DPYSL5: variants seen among roughly 807,000 people sequenced by gnomAD.
The protein encoded by DPYSL5 is dihydropyrimidinase-related protein 5.
Under a neutral mutation model 58.4 loss-of-function variants are expected in DPYSL5, and 9 were observed. The observed-to-expected ratio is 0.15, with a 90% CI of 0.09 to 0.27. The LOEUF (loss-of-function observed/expected upper bound fraction) is 0.27. Ranked by LOEUF, DPYSL5 falls within the 10% of genes least tolerant of loss-of-function variation. The pLI, the probability that DPYSL5 is intolerant of heterozygous loss-of-function variation, is 1.00. For missense variants in DPYSL5, 499 were observed against 770.6 expected, an observed-to-expected ratio of 0.65 and a Z score of 4.17; for synonymous variants, 293 against 301.9, an observed-to-expected ratio of 0.97 and a Z score of 0.31.
At position 26,947,320 on chromosome 2, in the gene DPYSL5, G is replaced by A. The variant is rs575154740; in HGVS notation, c.*325G>A. 2.3e-4 allele frequency: 53 copies of A among 228,570 alleles called. 2 individuals carry two copies. In the South Asian group the frequency reaches 5.2e-3, roughly 22 times the overall value. The allele number at this position is 228,570 out of a possible 1,614,324, so 14.2% of individuals were successfully genotyped here. A position where few individuals can be genotyped will look rare whatever the true frequency, so the allele number is the denominator to read the frequency against. On this transcript the variant is annotated 3_prime_UTR_variant, in exon 13 of 13. Transcript: ENST00000288699. This position sits in a 1 kb window ranked among gnomAD's most constrained non-coding sequence, Gnocchi z 4.2. ...AGCCCTTCCTCTCACTCCTGCCTCC[G>A]CTGGCTTTGGGAAAGCCCAGACTTT...
At position 26,927,111 on chromosome 2, in the gene DPYSL5, G is replaced by T; in HGVS notation, c.421-142G>T. ...CAGCAGCCTGTGGGGTGGGAGGAAA[G>T]TGAGATAGAGAGGTGTGGGGGGTCA... On this transcript the variant is annotated intron_variant, in intron 3 of 12. Coordinates refer to ENST00000288699, the MANE Select transcript of DPYSL5 (RefSeq NM_020134.4). This position sits in a 1 kb window ranked among gnomAD's most constrained non-coding sequence, Gnocchi z 4.3. 1.2e-6 allele frequency: 1 copy of T among 803,286 alleles called. No homozygotes were observed. 49.8% of individuals were successfully genotyped at this position (803,286 alleles called of 1,614,324 possible).
chr2:26,910,248 C>T (rs1048950572), intron 2 of DPYSL5, among the ~76,000 whole-genome samples: 3 of 152,156 alleles, frequency 2.0e-5, no homozygotes, highest in Admixed American at 1.3e-4. Context: ...GGTAATTACC[C>T]GGAAGTGGAA....
chr2:26,854,797 T>TTTTTTC (rs764916271), intron 1 of DPYSL5, among the ~76,000 whole-genome samples: 10 of 151,876 alleles, frequency 6.6e-5, no homozygotes, highest in East Asian at 5.8e-4. Context: ...CATTTAAATT[T>TTTTTTC]TTTTTCTTTT....
Position 26,924,660 on chromosome 2 carries a change from G to C in DPYSL5, c.262-227G>C, listed in dbSNP as rs866508007. Among the ~76,000 whole-genome samples the C allele has an allele frequency of 6.6e-6, 1 of 152,132 alleles. No individual in the cohort carries two copies. Among genetic ancestry groups the C allele is most frequent in the South Asian group, 2.1e-4 (1 of 4,824 alleles). On this transcript the variant is annotated intron_variant, in intron 2 of 12. Transcript: ENST00000288699. The surrounding 1 kb of genome is among the most constrained non-coding windows in gnomAD (Gnocchi z 4.7). ...CAGCGCGCCAAGCTGAAACCCTGGC[G>C]GAGGAAGAAGCAGGTTTGGGGACCC...
intron 12 of DPYSL5, among the ~76,000 whole-genome samples, chr2:26,945,104 G>A (rs965860860): frequency 6.6e-6 from 1 of 152,070 alleles, no homozygotes; most frequent in Non-Finnish European, 1.5e-5. Context: ...GAAACATCTT[G>A]AGGGCTGTGC....
In DPYSL5 at chr2:26,881,705, A is replaced by G. The variant is rs115090852; in HGVS notation, c.-4-16791A>G. On this transcript the variant is annotated intron_variant, in intron 1 of 12. Transcript: ENST00000288699. ...GAGAGCCTGGGAACACATTTTAAGT[A>G]CAAGTATCTGGTGCCTCTTTGAAGG... is the stretch of plus-strand genomic sequence containing the variant. Among the ~76,000 whole-genome samples, 710 of 152,284 alleles carry G rather than the reference A, an allele frequency of 4.7e-3. 5 individuals are homozygous for G. Among genetic ancestry groups the G allele is most frequent in the African/African-American group, 0.017 (690 of 41,530 alleles).
intron 1 of DPYSL5, among the ~76,000 whole-genome samples, chr2:26,891,177 G>A (rs1663871979): frequency 6.6e-6 from 1 of 152,152 alleles, no homozygotes; most frequent in Non-Finnish European, 1.5e-5. Flanking sequence ...GGGCAATGAT[G>A]GTACCTATCT....
At chr2:26,868,004 C>A (rs1663150186) in intron 1 of DPYSL5, among the ~76,000 whole-genome samples, 1 of 152,226 alleles carries the variant, frequency 6.6e-6, no homozygotes, top group Non-Finnish European at 1.5e-5. Flanking sequence ...TCCCACAAGA[C>A]CTGCCAATGA....
At chr2:26,872,001 G>T (rs573271900) in intron 1 of DPYSL5, among the ~76,000 whole-genome samples, 1 of 152,284 alleles carries the variant, frequency 6.6e-6, no homozygotes, top group Non-Finnish European at 1.5e-5. Flanking sequence ...AGTATTAGAA[G>T]ATACACACCC....
chr2:26,868,077 C>G (rs1370977059), intron 1 of DPYSL5, among the ~76,000 whole-genome samples: 1 of 152,142 alleles, frequency 6.6e-6, no homozygotes, highest in Non-Finnish European at 1.5e-5. Context: ...ATTGTTACTT[C>G]CTGTATTTGC....
In DPYSL5 at chr2:26,931,691, C is replaced by A. The variant is rs778360884; in HGVS notation, c.714+7C>A. ...TATCACCATTGCAAACAGGGTAAGTCCCCCGATGTCCACTGTGGGATTAGA... is the reference window on the plus strand; with the variant it reads ...TATCACCATTGCAAACAGGGTAAGTACCCCGATGTCCACTGTGGGATTAGA... On this transcript the variant is annotated splice_region_variant and intron_variant, in intron 6 of 12. Transcript: ENST00000288699. 1.2e-5 allele frequency: 20 copies of A among 1,613,488 alleles called. No individual in the cohort carries two copies. Among genetic ancestry groups the A allele is most frequent in the Non-Finnish European group, 1.5e-5 (18 of 1,179,790 alleles).
intron 1 of DPYSL5, among the ~76,000 whole-genome samples, chr2:26,888,163 A>G (rs1485403257): frequency 6.6e-6 from 1 of 151,100 alleles, no homozygotes; most frequent in Non-Finnish European, 1.5e-5. Context: ...CATACTTCTG[A>G]TTCTTTCTTT....
intron 5 of DPYSL5, 74 bp from the exon 6 acceptor site, chr2:26,931,566 G>A (rs1664988208): frequency 1.3e-6 from 2 of 1,587,588 alleles, no homozygotes; most frequent in South Asian, 1.1e-5. Context: ...GCTCCATGAA[G>A]GGGAGAGTAT....
chr2:26,878,472 G>A (rs927998473), intron 1 of DPYSL5, among the ~76,000 whole-genome samples: 1 of 152,022 alleles, frequency 6.6e-6, no homozygotes, highest in Non-Finnish European at 1.5e-5. Context: ...ATCTTTTGCT[G>A]TATCATAATT....
intron 6 of DPYSL5, among the ~76,000 whole-genome samples, chr2:26,932,159 G>GACAGAAAGAAAGAAAGAAAGA (rs1665029430): frequency 3.5e-5 from 2 of 57,360 alleles, no homozygotes; most frequent in Admixed American, 1.7e-4. Flanking sequence ...AAGAAAGAAA[G>GACAGAAAGAAAGAAAGAAAGA]AAAGAAAGAA....
intron 1 of DPYSL5, among the ~76,000 whole-genome samples, chr2:26,866,015 G>A (rs1298718693): frequency 6.6e-6 from 1 of 152,218 alleles, no homozygotes; most frequent in Non-Finnish European, 1.5e-5. Context: ...TGCATGGTGA[G>A]TGAAGTGACA....
At chr2:26,871,762 G>T (rs983747631) in intron 1 of DPYSL5, among the ~76,000 whole-genome samples, 8 of 151,802 alleles carry the variant, frequency 5.3e-5, no homozygotes, top group Non-Finnish European at 1.0e-4. Context: ...TTAATTTTTT[G>T]AAAGAAACAT....
chr2:26,900,210 G>C (rs1007919519), intron 2 of DPYSL5, among the ~76,000 whole-genome samples: 1 of 152,156 alleles, frequency 6.6e-6, no homozygotes, highest in East Asian at 1.9e-4. Context: ...GTTCCCATCA[G>C]GGATAACCAC....
Position 26,924,829 on chromosome 2 carries a change from A to G in DPYSL5, c.262-58A>G. The G allele has an allele frequency of 1.9e-6, 3 of 1,577,096 alleles. No individual in the cohort carries two copies. The highest frequency in any genetic ancestry group is 2.3e-5 in the East Asian group (1 of 44,236). On this transcript the variant is annotated intron_variant, in intron 2 of 12. Coordinates refer to ENST00000288699, the MANE Select transcript of DPYSL5 (RefSeq NM_020134.4). The surrounding 1 kb of genome is among the most constrained non-coding windows in gnomAD (Gnocchi z 4.7). ...GACCATGAGGACCATGTCTCACCACATCATTGACTCGGGGGCAGGCAGGGC... is the reference window on the plus strand; with the variant it reads ...GACCATGAGGACCATGTCTCACCACGTCATTGACTCGGGGGCAGGCAGGGC...
Sources: allele counts gnomAD v4.1 joint callset (sites outside exome capture counted in the v4.1 genomes callset), GRCh38; gene constraint gnomAD v4.1.1; non-coding constraint Gnocchi (gnomAD v3.1); transcripts MANE v1.5; gene names NCBI Gene and HGNC (gene_info 2026-07-23, HGNC 2026-07-21).